Variants in KIRREL2 observed in about 807,000 individuals in gnomAD.
The protein encoded by KIRREL2 is kin of IRRE-like protein 2.
A neutral mutation model predicts 73.4 loss-of-function variants in KIRREL2; 56 were observed. That is an observed-to-expected ratio of 0.76 (90% confidence interval 0.62 to 0.95). The LOEUF is 0.95. KIRREL2 is among the 40% of genes least tolerant of loss of function. The probability of loss-of-function intolerance (pLI) is 0.00; values close to 1 mark genes in which losing one functional copy is unlikely to be tolerated. For missense variants in KIRREL2, 896 were observed against 935.0 expected (o/e 0.96, Z 0.54); for synonymous variants, 407 against 404.0 (o/e 1.01, Z -0.09).
In KIRREL2 at chr19:35,860,404, T is replaced by A. The variant is rs1366486591; in HGVS notation, c.779+2T>A. On this transcript the variant is annotated splice_donor_variant, in intron 6 of 14. Transcript: ENST00000360202. LOFTEE classifies it high-confidence loss of function. ...CCAGCCTCCTGTCACAGGCTACAGG[T>A]GAGGACGAAGACCCACCTCTCCCCA... 2 of 1,612,292 alleles carry A rather than the reference T, an allele frequency of 1.2e-6. No homozygotes were observed. Among genetic ancestry groups the A allele is most frequent in the East Asian group, 4.5e-5 (2 of 44,884 alleles).
At chr19:35,857,233 C>T (rs1599856294) in intron 1 of KIRREL2, 53 bp downstream of exon 1, 3 of 1,599,958 alleles carry the variant, frequency 1.9e-6, no homozygotes, top group Non-Finnish European at 8.5e-7. Context: ...GAGTTGCTTG[C>T]GGGCTGCCTC....
chr19:35,862,545 T>A lies in KIRREL2; in HGVS notation c.1563T>A (p.Thr521=), dbSNP rs762787774. ...CCGGAGTGGCCGCTGCCACCACAAC[T>A]CTCCTTATGGTCATCACTGGGGTGG... ...IVAGVAAATT[T]LLMVITGVAL... The change falls in exon 12 of 15, where the codon ACT becomes ACA. Residue 521 remains threonine, a synonymous_variant. Transcript: ENST00000360202. 3.7e-6 allele frequency: 6 copies of A among 1,610,474 alleles called. No homozygotes were observed. The South Asian group carries it at 6.6e-5, about 18-fold the overall frequency.
Position 35,862,017 on chromosome 19 carries a change from C to T in KIRREL2, c.1503C>T (p.Gly501=). ...LGEGGAQASL[G]RRDLLPTVRI... ...AGGGAGGTGCCCAGGCCAGCCTGGG[C>T]CGTAGAGGTGAGACCCCAGCCCGAA... Residue 501 remains glycine (G), a synonymous_variant, in exon 11 of 15, where the codon GGC becomes GGT. Transcript: ENST00000360202. The T allele has an allele frequency of 6.2e-7, 1 of 1,607,174 alleles. No homozygotes were observed. The highest frequency in any genetic ancestry group is 8.5e-7 in the Non-Finnish European group (1 of 1,177,280).
intron 14 of KIRREL2, among the ~76,000 whole-genome samples, chr19:35,865,109 C>T (rs1973910902): frequency 6.6e-6 from 1 of 151,758 alleles, no homozygotes; most frequent in Admixed American, 6.6e-5. Flanking sequence ...AGGCCATCCC[C>T]AGGCCAGAGC....
At chr19:35,864,586 G>A (rs2146882259) in intron 13 of KIRREL2, 62 bp from the exon 14 acceptor site, 1 of 1,397,760 alleles carries the variant, frequency 7.2e-7, no homozygotes, top group Non-Finnish European at 1.0e-6. Flanking sequence ...AGGTCCTTGG[G>A]GTCTGGCATT....
chr19:35,858,729 G>C lies in KIRREL2; in HGVS notation c.387G>C (p.Leu129=), dbSNP rs1446752093. Residue 129 remains leucine (L), a synonymous_variant, in exon 4 of 15, where the codon CTG becomes CTC. Coordinates refer to ENST00000360202, the MANE Select transcript of KIRREL2 (RefSeq NM_199180.4). ...TCCCCCCAGAAGCCCCCCAGGTGCT[G>C]GGCGGCCCCTCTGTGTCTCTGGTTG... ...VLVPPEAPQV[L]GGPSVSLVAG... is the part of the protein sequence containing the mutation. 6.2e-7 allele frequency: 1 copy of C among 1,614,180 alleles called. No homozygotes were observed. The highest frequency in any genetic ancestry group is 2.2e-5 in the East Asian group (1 of 44,870).
At position 35,857,460 on chromosome 19, in the gene KIRREL2, T is replaced by C. The variant is rs1337491916; in HGVS notation, c.177T>C (p.Ser59=). 3.1e-6 allele frequency: 5 copies of C among 1,608,930 alleles called. No homozygotes were observed. Among genetic ancestry groups the C allele is most frequent in the Non-Finnish European group, 3.4e-6 (4 of 1,178,074 alleles). ...AYWGLVQWTK[S]GLALGGQRDL... ...GGGGGCTAGTTCAGTGGACTAAGAG[T>C]GGGCTGGCCCTAGGGGGCCAAAGGG... The change falls in exon 2 of 15, where the codon AGT becomes AGC. Residue 59 remains serine, a synonymous_variant. Coordinates refer to ENST00000360202, the MANE Select transcript of KIRREL2 (RefSeq NM_199180.4).
chr19:35,858,981 G>A lies in KIRREL2; in HGVS notation c.522+117G>A, dbSNP rs914912702. On this transcript the variant is annotated intron_variant, in intron 4 of 14. Transcript: ENST00000360202. ...TGGGAGGGCAGAGGTTCATGGGTTT[G>A]GACTCTTGAAATATGATGCAGGGTA... is the stretch of plus-strand genomic sequence containing the variant. 1.4e-5 allele frequency: 16 copies of A among 1,153,934 alleles called. No homozygotes were observed. The African/African-American group carries it at 2.5e-4, about 18-fold the overall frequency. The allele number at this position is 1,153,934 out of a possible 1,614,324, so 71.5% of individuals were successfully genotyped here. A position where few individuals can be genotyped will look rare whatever the true frequency, so the allele number is the denominator to read the frequency against.
At chr19:35,865,188 T>TTC (rs1022030050) in intron 14 of KIRREL2, among the ~76,000 whole-genome samples, 1 of 147,740 alleles carries the variant, frequency 6.8e-6, no homozygotes, top group African/African-American at 2.5e-5. Context: ...TTTTTTTTTT[T>TTC]TTTTTGAGAC....
chr19:35,860,768 G>A (rs1193523684), intron 7 of KIRREL2, 101 bp downstream of exon 7: 2 of 1,582,878 alleles, frequency 1.3e-6, no homozygotes, highest in African/African-American at 2.7e-5. Context: ...GAGCGAGCGT[G>A]GGGTATTAGG....
upstream of KIRREL2, chr19:35,851,695 G>A (rs1346943949): frequency 1.9e-6 from 3 of 1,600,376 alleles, no homozygotes; most frequent in Admixed American, 1.7e-5. Flanking sequence ...CGCGGTGCAA[G>A]GAAAGGGCAG....
At chr19:35,852,997 G>A (rs1050234347), upstream of KIRREL2, among the ~76,000 whole-genome samples, 3 of 152,098 alleles carry the variant, frequency 2.0e-5, no homozygotes, top group African/African-American at 7.2e-5. Flanking sequence ...GTTTCATCAT[G>A]TTGGCCACGC....
upstream of KIRREL2, chr19:35,851,776 T>G: frequency 6.4e-7 from 1 of 1,553,618 alleles, no homozygotes; most frequent in Non-Finnish European, 8.7e-7. Context: ...GGGATCCCAC[T>G]CACCTTCAGT....
chr19:35,861,505 A>G, intron 9 of KIRREL2, 36 bp from the exon 10 acceptor site: 1 of 1,591,658 alleles, frequency 6.3e-7, no homozygotes, highest in Non-Finnish European at 8.6e-7. Context: ...GGAGGGCAAG[A>G]CCTCTCCTCT....
In KIRREL2 at chr19:35,859,994, G is replaced by A. The variant is rs1357858975; in HGVS notation, c.674-303G>A. On this transcript the variant is annotated intron_variant, in intron 5 of 14. Coordinates refer to ENST00000360202, the MANE Select transcript of KIRREL2 (RefSeq NM_199180.4). ...CGGGAGGCAGATGTTGCGGTGAGCC[G>A]AGATCATGCCACTCAGCAGCAGAGT... Among the ~76,000 whole-genome samples the A allele has an allele frequency of 3.3e-5, 5 of 152,168 alleles. No homozygotes were observed. In the East Asian group the frequency reaches 5.8e-4, roughly 18 times the overall value.
At chr19:35,855,439 C>G (rs1381071580), upstream of KIRREL2, among the ~76,000 whole-genome samples, 1 of 151,826 alleles carries the variant, frequency 6.6e-6, no homozygotes, top group Non-Finnish European at 1.5e-5. Context: ...AAAAACAGCC[C>G]CATGACTTGA....
At chr19:35,851,515 G>C (rs764300734), upstream of KIRREL2, 2 of 1,613,730 alleles carry the variant, frequency 1.2e-6, no homozygotes, top group Non-Finnish European at 1.7e-6. Context: ...TGGGGTCGGG[G>C]CCCAGGAGCA....
chr19:35,855,740 C>T (rs1055508886), upstream of KIRREL2: 13 of 151,858 alleles, frequency 8.6e-5, no homozygotes, highest in African/African-American at 2.2e-4. Flanking sequence ...TGTTCACGGT[C>T]TGATTTCCAA....
chr19:35,857,990 CA>C (rs112446441), intron 2 of KIRREL2, among the ~76,000 whole-genome samples: 1,372 of 78,210 alleles, frequency 0.018, 9 homozygotes, highest in African/African-American at 0.037. Flanking sequence ...GACCCTGTCT[CA>C]AAAAAAAAAA....
Sources: allele counts gnomAD v4.1 joint callset (sites outside exome capture counted in the v4.1 genomes callset), GRCh38; gene constraint gnomAD v4.1.1; transcripts MANE v1.5; gene names NCBI Gene and HGNC (gene_info 2026-07-23, HGNC 2026-07-21).